Variants in GALNT18 observed in about 807,000 individuals in gnomAD.
GALNT18 encodes polypeptide N-acetylgalactosaminyltransferase 18, also known as GalNAc-transferase 18.
In GALNT18, 44 loss-of-function variants were observed where a neutral mutation model predicts 69.5. That is an observed-to-expected ratio of 0.63 (90% confidence interval 0.50 to 0.81). GALNT18 has a LOEUF of 0.81. GALNT18 is among the 40% of genes least tolerant of loss of function. The probability of loss-of-function intolerance (pLI) is 0.00; values close to 1 mark genes in which losing one functional copy is unlikely to be tolerated. For missense variants in GALNT18, 715 were observed against 810.0 expected, an observed-to-expected ratio of 0.88 and a Z score of 1.42; for synonymous variants, 364 against 318.2, an observed-to-expected ratio of 1.14 and a Z score of -1.53.
intron 1 of GALNT18, among the ~76,000 whole-genome samples, chr11:11,548,595 C>G (rs973603576): frequency 1.4e-4 from 21 of 152,222 alleles, no homozygotes; most frequent in African/African-American, 4.8e-4. Context: ...CTGAAAGCCT[C>G]CTGCCCATCT....
Position 11,320,165 on chromosome 11 carries a change from A to C in GALNT18, c.1512+6921T>G, listed in dbSNP as rs1286994759. Reference sequence around the variant, plus strand: ...ATATAGTCTGGTTCTTAATCACTATATATTGCCTCAGAAATTGTCTTTCAG... The same window carrying C: ...ATATAGTCTGGTTCTTAATCACTATCTATTGCCTCAGAAATTGTCTTTCAG... On this transcript the variant is annotated intron_variant, in intron 9 of 10. Coordinates refer to ENST00000227756, the MANE Select transcript of GALNT18 (RefSeq NM_198516.3). The surrounding 1 kb of genome is among the most constrained non-coding windows in gnomAD (Gnocchi z 4.9). 6.6e-6 allele frequency among the ~76,000 whole-genome samples: 1 copy of C among 152,210 alleles called. No homozygotes were observed. The highest frequency in any genetic ancestry group is 1.5e-5 in the Non-Finnish European group (1 of 68,034).
At chr11:11,289,797 C>T (rs1202252215) in intron 10 of GALNT18, among the ~76,000 whole-genome samples, 1 of 152,192 alleles carries the variant, frequency 6.6e-6, no homozygotes, top group South Asian at 2.1e-4. Context: ...GCTTCAGATT[C>T]AGCCAGTGAA....
At chr11:11,527,434 T>C (rs1436980280) in intron 1 of GALNT18, among the ~76,000 whole-genome samples, 1 of 152,142 alleles carries the variant, frequency 6.6e-6, no homozygotes, top group Non-Finnish European at 1.5e-5. Context: ...ACAATAATTA[T>C]TATTCTTACG....
chr11:11,596,770 AC>A lies in GALNT18; in HGVS notation c.235+24588del, dbSNP rs1355872188. Among the ~76,000 whole-genome samples, 3 of 152,210 alleles carry A rather than the reference AC, an allele frequency of 2.0e-5. No individual in the cohort carries two copies. Among genetic ancestry groups the A allele is most frequent in the Non-Finnish European group, 2.9e-5 (2 of 68,020 alleles). ...TGATTTTTAGTGGATTCCCTAGGATACATGATTATGTCATCTGCAAACAGAG... is the reference window on the plus strand; with the variant it reads ...TGATTTTTAGTGGATTCCCTAGGATAATGATTATGTCATCTGCAAACAGAG... On this transcript the variant is annotated intron_variant, in intron 1 of 10. Transcript: ENST00000227756. The surrounding 1 kb of genome is among the most constrained non-coding windows in gnomAD (Gnocchi z 4.2).
At chr11:11,508,597 G>T (rs1459763377) in intron 1 of GALNT18, among the ~76,000 whole-genome samples, 1 of 152,114 alleles carries the variant, frequency 6.6e-6, no homozygotes, top group Non-Finnish European at 1.5e-5. Flanking sequence ...TTTTTTAGTC[G>T]CTGCAATTAT....
chr11:11,357,076 A>C (rs1017979707), intron 6 of GALNT18, among the ~76,000 whole-genome samples: 1 of 152,100 alleles, frequency 6.6e-6, no homozygotes, highest in Admixed American at 6.5e-5. Context: ...AATTGGTTCT[A>C]GACTGGCTGC....
chr11:11,610,138 A>T (rs555901807), intron 1 of GALNT18, among the ~76,000 whole-genome samples: 43 of 152,306 alleles, frequency 2.8e-4, no homozygotes, highest in African/African-American at 9.9e-4. Flanking sequence ...TCACTTGGTA[A>T]CCCACCTCAG....
At chr11:11,403,972 C>T (rs1046044593) in intron 3 of GALNT18, among the ~76,000 whole-genome samples, 8 of 152,232 alleles carry the variant, frequency 5.3e-5, no homozygotes, top group African/African-American at 1.9e-4. Context: ...GGATCCCTGT[C>T]CTCAATTCCT....
chr11:11,342,443 A>G (rs1169565220), intron 6 of GALNT18, among the ~76,000 whole-genome samples: 4 of 152,144 alleles, frequency 2.6e-5, no homozygotes, highest in Admixed American at 6.5e-5. Context: ...ATCAACAACA[A>G]TAAGTCTGGG....
At chr11:11,608,692 G>T (rs1859814574) in intron 1 of GALNT18, among the ~76,000 whole-genome samples, 1 of 152,124 alleles carries the variant, frequency 6.6e-6, no homozygotes, top group Non-Finnish European at 1.5e-5. Flanking sequence ...TGGGGAAACT[G>T]AGGCCCTGCA....
At chr11:11,565,702 C>T (rs1261320149) in intron 1 of GALNT18, among the ~76,000 whole-genome samples, 2 of 152,196 alleles carry the variant, frequency 1.3e-5, no homozygotes, top group African/African-American at 4.8e-5. Context: ...GCCCTCAAGG[C>T]CTCCACAAAC....
intron 10 of GALNT18, among the ~76,000 whole-genome samples, chr11:11,290,598 T>C (rs1849279238): frequency 6.6e-6 from 1 of 152,190 alleles, no homozygotes; most frequent in South Asian, 2.1e-4. Context: ...TCACACATGC[T>C]GTTTCCTCTC....
At chr11:11,345,724 A>G (rs10831590) in intron 6 of GALNT18, among the ~76,000 whole-genome samples, 145,037 of 152,110 alleles carry the variant, frequency 0.95, 69,507 homozygotes, top group East Asian at 1. Flanking sequence ...GAGCTCTCGT[A>G]GACAGAGATG....
intron 6 of GALNT18, among the ~76,000 whole-genome samples, chr11:11,350,337 A>G (rs1342403011): frequency 6.6e-6 from 1 of 152,224 alleles, no homozygotes; most frequent in Admixed American, 6.5e-5. Flanking sequence ...AGGACATTCC[A>G]GGAGGACTGC....
chr11:11,438,197 C>T (rs11021853), intron 2 of GALNT18, among the ~76,000 whole-genome samples: 22,268 of 152,226 alleles, frequency 0.15, 1,849 homozygotes, highest in Non-Finnish European at 0.19. Context: ...ATACATCTAG[C>T]TTCTTCCAGA....
intron 1 of GALNT18, among the ~76,000 whole-genome samples, chr11:11,554,474 T>C (rs1163810572): frequency 6.6e-6 from 1 of 151,612 alleles, no homozygotes; most frequent in African/African-American, 2.4e-5. Flanking sequence ...CAAGTGTTAC[T>C]TGAAAAAAAA....
At chr11:11,361,684 T>C (rs1850649776) in intron 6 of GALNT18, among the ~76,000 whole-genome samples, 1 of 152,202 alleles carries the variant, frequency 6.6e-6, no homozygotes, top group South Asian at 2.1e-4. Context: ...TTCTGAGGCA[T>C]ACAGAATATA....
chr11:11,329,628 T>A (rs1350011259), intron 8 of GALNT18, among the ~76,000 whole-genome samples: 1 of 152,228 alleles, frequency 6.6e-6, no homozygotes, highest in Non-Finnish European at 1.5e-5. Flanking sequence ...CTTAGCAGGT[T>A]GCATTCTTGT....
At chr11:11,428,769 GA>G (rs1564944279) in intron 3 of GALNT18, among the ~76,000 whole-genome samples, 2 of 152,158 alleles carry the variant, frequency 1.3e-5, no homozygotes, top group African/African-American at 2.4e-5. Flanking sequence ...TAAGAAAAGA[GA>G]ACTAGAACAC....
Sources: gnomAD v4.1 joint callset for allele counts (sites outside exome capture counted in the v4.1 genomes callset) on GRCh38, gnomAD v4.1.1 for gene constraint, Gnocchi (gnomAD v3.1) non-coding constraint, MANE v1.5 for transcripts, NCBI Gene and HGNC (gene_info 2026-07-23, HGNC 2026-07-21) for gene names.